Variants in UMAD1 observed in about 807,000 individuals in gnomAD.
UMAD1 encodes the protein UBAP1-MVB12-associated (UMA)-domain containing protein 1.
A neutral mutation model predicts 6.1 loss-of-function variants in UMAD1; 8 were observed. The ratio of observed to expected loss-of-function variants is 1.30; its 90% CI spans 0.76 to 2.35. The LOEUF (loss-of-function observed/expected upper bound fraction) is 2.35, where lower values mean the gene tolerates loss of function less well. Ranked by LOEUF, UMAD1 falls within the 30% of genes most tolerant of loss-of-function variation. The pLI, the probability that UMAD1 is intolerant of heterozygous loss-of-function variation, is 0.00. For missense variants in UMAD1, 130 were observed against 78.4 expected, an observed-to-expected ratio of 1.66 and a Z score of -2.49; for synonymous variants, 56 against 31.4, an observed-to-expected ratio of 1.78 and a Z score of -2.61.
chr7:7,762,083 C>T (rs888314409), intron 2 of UMAD1, among the ~76,000 whole-genome samples: 3 of 152,202 alleles, frequency 2.0e-5, no homozygotes, highest in African/African-American at 7.2e-5. Flanking sequence ...AGAAACCTAT[C>T]CTAAATACAG....
At chr7:7,772,122 A>G (rs1782114628) in intron 2 of UMAD1, among the ~76,000 whole-genome samples, 1 of 152,226 alleles carries the variant, frequency 6.6e-6, no homozygotes. Flanking sequence ...GGGAATATTT[A>G]GAAGTTTCTT....
At chr7:7,677,225 A>G (rs953557285) in intron 2 of UMAD1, among the ~76,000 whole-genome samples, 1 of 152,176 alleles carries the variant, frequency 6.6e-6, no homozygotes, top group African/African-American at 2.4e-5. Flanking sequence ...TATCACTTCA[A>G]GCAATTATTT....
chr7:7,756,267 G>A (rs1194167546), intron 2 of UMAD1, among the ~76,000 whole-genome samples: 1 of 152,182 alleles, frequency 6.6e-6, no homozygotes, highest in South Asian at 2.1e-4. Context: ...TTTACACCTG[G>A]TGAATTGACC....
intron 2 of UMAD1, among the ~76,000 whole-genome samples, chr7:7,694,659 C>T (rs1162239651): frequency 2.6e-5 from 4 of 152,060 alleles, no homozygotes; most frequent in African/African-American, 9.7e-5. Flanking sequence ...CTCTGCCTGA[C>T]TTATTTCACT....
intron 3 of UMAD1, among the ~76,000 whole-genome samples, chr7:7,837,860 G>T (rs904886821): frequency 6.6e-6 from 1 of 152,100 alleles, no homozygotes; most frequent in Admixed American, 6.6e-5. Context: ...ATAAGGGTAC[G>T]TAAAGGTTTT....
intron 2 of UMAD1, among the ~76,000 whole-genome samples, chr7:7,795,735 C>T (rs756076301): frequency 2.6e-5 from 4 of 152,168 alleles, no homozygotes; most frequent in Non-Finnish European, 1.5e-5. Flanking sequence ...GTTGTGTAAA[C>T]AGTCATGACG....
At chr7:7,821,995 A>G (rs1239886951) in intron 3 of UMAD1, among the ~76,000 whole-genome samples, 3 of 152,120 alleles carry the variant, frequency 2.0e-5, no homozygotes, top group African/African-American at 7.2e-5. Flanking sequence ...ATATTACATT[A>G]ATATTACTTA....
chr7:7,696,990 A>G (rs1780335755), intron 2 of UMAD1, among the ~76,000 whole-genome samples: 1 of 152,142 alleles, frequency 6.6e-6, no homozygotes, highest in South Asian at 2.1e-4. Flanking sequence ...AAGCTCAGTA[A>G]ACACCCTCTC....
chr7:7,728,686 G>A (rs1024726010), intron 2 of UMAD1, among the ~76,000 whole-genome samples: 1 of 151,808 alleles, frequency 6.6e-6, no homozygotes, highest in South Asian at 2.1e-4. Flanking sequence ...TTGATCCATG[G>A]ATTAAATAAG....
At chr7:7,864,341 A>G (rs1454847856) in intron 3 of UMAD1, among the ~76,000 whole-genome samples, 1 of 152,172 alleles carries the variant, frequency 6.6e-6, no homozygotes, top group East Asian at 1.9e-4. Flanking sequence ...AAATATTAAT[A>G]AAGACAAGTA....
intron 3 of UMAD1, among the ~76,000 whole-genome samples, chr7:7,836,847 A>C (rs1046756543): frequency 6.6e-6 from 1 of 151,934 alleles, no homozygotes; most frequent in Admixed American, 6.6e-5. Flanking sequence ...AGCATGAAGG[A>C]TATAATGAAG....
intron 2 of UMAD1, among the ~76,000 whole-genome samples, chr7:7,788,754 C>T (rs1200156067): frequency 2.0e-5 from 3 of 152,118 alleles, no homozygotes; most frequent in Non-Finnish European, 4.4e-5. Context: ...TGATATCAAA[C>T]CTCTCCCCAC....
chr7:7,877,284 A>C lies in UMAD1; in HGVS notation c.160A>C (p.Asn54His), dbSNP rs1259203903. The C allele has an allele frequency of 1.4e-6, 1 of 711,930 alleles. No individual in the cohort carries two copies. 44.1% of individuals were successfully genotyped at this position (711,930 alleles called of 1,614,324 possible). Residue 54 changes from asparagine to histidine, a missense_variant, in exon 4 of 4, where the codon AAC becomes CAC. Coordinates refer to ENST00000682710, the MANE Select transcript of UMAD1 (RefSeq NM_001302348.2). ...TTTTAAATGTATGTATTTTTAGACC[A>C]ACAAAGAAAATTCATCCAGTGTGAC... ...DIEANQPLET[N>H]KENSSSVTVS...
At chr7:7,807,829 T>C (rs1004030413) in intron 3 of UMAD1, among the ~76,000 whole-genome samples, 3 of 152,074 alleles carry the variant, frequency 2.0e-5, no homozygotes, top group Non-Finnish European at 1.5e-5. Flanking sequence ...TGTTTGTCTC[T>C]TCTTCACCTC....
chr7:7,843,202 A>T (rs1386905996), intron 3 of UMAD1, among the ~76,000 whole-genome samples: 1 of 152,198 alleles, frequency 6.6e-6, no homozygotes, highest in Non-Finnish European at 1.5e-5. Flanking sequence ...TGAGCATTTG[A>T]CTGCAAAGTT....
intron 3 of UMAD1, among the ~76,000 whole-genome samples, chr7:7,842,618 A>T (rs11981243): frequency 0.51 from 70,178 of 138,866 alleles, 16,767 homozygotes; most frequent in Middle Eastern, 0.65. Context: ...ACCTTTTTTT[A>T]AAAAAAAAAA....
intron 1 of UMAD1, among the ~76,000 whole-genome samples, chr7:7,669,121 A>G (rs975546239): frequency 3.3e-5 from 5 of 152,088 alleles, no homozygotes; most frequent in Admixed American, 2.6e-4. Context: ...AAATGAAGCA[A>G]CATTACTTGG....
intron 3 of UMAD1, among the ~76,000 whole-genome samples, chr7:7,821,660 T>G (rs1188194763): frequency 6.6e-6 from 1 of 152,176 alleles, no homozygotes; most frequent in Non-Finnish European, 1.5e-5. Context: ...AAGCAGCTGT[T>G]CTTTGAAATT....
At position 7,872,543 on chromosome 7, in the gene UMAD1, C is replaced by T. The variant is rs545555099; in HGVS notation, c.157-4738C>T. 5.3e-5 allele frequency among the ~76,000 whole-genome samples: 8 copies of T among 152,126 alleles called. No individual in the cohort carries two copies. The East Asian group carries it at 5.8e-4, about 11-fold the overall frequency. On this transcript the variant is annotated intron_variant, in intron 3 of 3. Coordinates refer to ENST00000682710, the MANE Select transcript of UMAD1 (RefSeq NM_001302348.2). ...TGCCTCACCAAAGCAGATAGAATAA[C>T]GAAAAAATTTGAAATATTGTGGGAA...
Sources: allele counts gnomAD v4.1 joint callset (sites outside exome capture counted in the v4.1 genomes callset), GRCh38; gene constraint gnomAD v4.1.1; transcripts MANE v1.5; gene names NCBI Gene and HGNC (gene_info 2026-07-23, HGNC 2026-07-21).